SMG1: variants seen among roughly 807,000 people sequenced by gnomAD.
SMG1 encodes serine/threonine-protein kinase SMG1.
SMG1 carries 22 observed loss-of-function variants against 419.9 expected under a neutral mutation model. The observed-to-expected ratio is 0.05, with a 90% CI of 0.04 to 0.07. The LOEUF is 0.07. SMG1 is among the 10% of genes least tolerant of loss of function. SMG1 has a pLI of 1.00. For synonymous variants in SMG1, 1,538 were observed against 1,553.5 expected, an observed-to-expected ratio of 0.99 and a Z score of 0.23; for missense variants, 3,185 against 4,342.0, an observed-to-expected ratio of 0.73 and a Z score of 7.49.
At chr16:18,814,536 A>T (rs2031804701) in intron 60 of SMG1, among the ~76,000 whole-genome samples, 2 of 152,048 alleles carry the variant, frequency 1.3e-5, no homozygotes, top group Admixed American at 6.6e-5. Flanking sequence ...TTTTTTAAAG[A>T]AAACTATTCA....
chr16:18,912,127 G>C (rs1253978381), intron 1 of SMG1, among the ~76,000 whole-genome samples: 1 of 147,040 alleles, frequency 6.8e-6, no homozygotes, highest in Non-Finnish European at 1.5e-5. Flanking sequence ...GACACTTAGA[G>C]AGGAATCTAA....
chr16:18,899,519 C>G (rs953865003), intron 1 of SMG1, among the ~76,000 whole-genome samples: 1 of 152,162 alleles, frequency 6.6e-6, no homozygotes, highest in African/African-American at 2.4e-5. Context: ...GCACAAAATG[C>G]TTTAGCATTT....
chr16:18,863,923 CT>C (rs1364141187), intron 24 of SMG1, 72 bp from the exon 25 acceptor site: 1 of 1,575,018 alleles, frequency 6.3e-7, no homozygotes, highest in Non-Finnish European at 8.6e-7. Context: ...GCACAGAAAC[CT>C]AAAAACATAA....
intron 57 of SMG1, among the ~76,000 whole-genome samples, chr16:18,816,895 C>T (rs961778057): frequency 3.3e-5 from 5 of 152,086 alleles, no homozygotes; most frequent in East Asian, 1.9e-4. Context: ...AAAATATAAA[C>T]GTCAAACTTA....
intron 1 of SMG1, among the ~76,000 whole-genome samples, chr16:18,900,942 C>A (rs1237145635): frequency 1.3e-5 from 2 of 152,146 alleles, no homozygotes; most frequent in Admixed American, 6.6e-5. Flanking sequence ...CTATGAATAA[C>A]CCTGGGCCTT....
rs749957363 is a variant in SMG1 at position 18,854,695 on chromosome 16, C to T, written c.4444G>A (p.Glu1482Lys). The part of the protein sequence containing the change: ...QGQVDEKWGP[E>K]LDIEKTKLLY... Reference sequence around the variant, plus strand: ...AATTTGGTTTTTTCAATATCAAGTTCGGGCCCCCATTTTTCATCCACTTGA... The same window carrying T: ...AATTTGGTTTTTTCAATATCAAGTTTGGGCCCCCATTTTTCATCCACTTGA... Residue 1482 changes from glutamate (E) to lysine (K), a missense_variant, in exon 30 of 63, where the codon GAA becomes AAA. Glu to Lys is a moderately conservative substitution (Grantham distance 56, BLOSUM62 1). Coordinates refer to ENST00000446231, the MANE Select transcript of SMG1 (RefSeq NM_015092.5). The T allele has an allele frequency of 8.7e-6, 14 of 1,613,796 alleles. No homozygotes were observed. In the East Asian group the frequency reaches 8.9e-5, roughly 10 times the overall value.
rs754839688 is a variant in SMG1, at chr16:18,836,511, T to C, written c.7626A>G (p.Leu2542=). The C allele has an allele frequency of 1.7e-5, 27 of 1,613,758 alleles. No individual in the cohort carries two copies. Among genetic ancestry groups the C allele is most frequent in the Non-Finnish European group, 2.3e-5 (27 of 1,179,876 alleles). The change falls in exon 47 of 63, where the codon CTA becomes CTG. Residue 2542 remains leucine, a synonymous_variant. Coordinates refer to ENST00000446231, the MANE Select transcript of SMG1 (RefSeq NM_015092.5). The part of the protein sequence containing the change: ...LQHRYSEHTQ[L]QTQQRAVQEA... The stretch of plus-strand genomic sequence containing the variant: ...CCTGAACAGCTCTTTGCTGAGTCTG[T>C]AGTTGGGTGTGCTCAGAATACCTAA...
chr16:18,850,611 T>C (rs908299282), intron 33 of SMG1, 144 bp from the exon 34 acceptor site: 6 of 611,190 alleles, frequency 9.8e-6, no homozygotes, highest in Admixed American at 3.0e-5. Flanking sequence ...AGTAAGTCAA[T>C]GTCAGTATGC....
intron 1 of SMG1, among the ~76,000 whole-genome samples, chr16:18,905,130 G>T (rs2037509130): frequency 2.6e-5 from 4 of 151,614 alleles, no homozygotes. Context: ...GTATGGTGGT[G>T]GGCGCCTGTA....
chr16:18,860,022 G>A (rs1160873115), intron 26 of SMG1, among the ~76,000 whole-genome samples: 1 of 152,146 alleles, frequency 6.6e-6, no homozygotes, highest in Non-Finnish European at 1.5e-5. Flanking sequence ...TTCAAGACCA[G>A]CCTGGCCAAG....
chr16:18,904,818 C>G (rs993842504), intron 1 of SMG1, among the ~76,000 whole-genome samples: 3 of 151,750 alleles, frequency 2.0e-5, no homozygotes, highest in African/African-American at 4.8e-5. Flanking sequence ...GCCTGCAATC[C>G]CAGCTACTCA....
chr16:18,853,450 C>A (rs578053181), intron 31 of SMG1, 133 bp downstream of exon 31: 1 of 837,116 alleles, frequency 1.2e-6, no homozygotes, highest in Non-Finnish European at 1.7e-6. Context: ...TATTTCCCAA[C>A]AATAAAATAA....
At chr16:18,819,683 G>C in intron 55 of SMG1, 29 bp from the exon 56 acceptor site, 1 of 1,498,088 alleles carries the variant, frequency 6.7e-7, no homozygotes, top group Non-Finnish European at 8.9e-7. Flanking sequence ...TCTTGGTGAA[G>C]GTATATGACA....
At chr16:18,842,070 A>G (rs2033958351) in intron 40 of SMG1, 138 bp downstream of exon 40, 2 of 974,204 alleles carry the variant, frequency 2.1e-6, no homozygotes, top group East Asian at 2.6e-5. Context: ...AAAGCACATA[A>G]GATATAGGGC....
In SMG1 at chr16:18,925,994, G is replaced by A; in HGVS notation, c.48C>T (p.Gly16=). Residue 16 remains glycine, a synonymous_variant, in exon 1 of 63, where the codon GGC becomes GGT. Coordinates refer to ENST00000446231, the MANE Select transcript of SMG1 (RefSeq NM_015092.5). ...AGCTCCGCGGATACTTGGTGCCGCC[G>A]CCGCCGCCGCCGCTGCTCAGCCGAG... is the stretch of plus-strand genomic sequence containing the variant. ...PGSRLSSGGG[G]GGTKYPRSWN... is the part of the protein sequence containing the mutation. 1 of 1,576,816 alleles carries A rather than the reference G, an allele frequency of 6.3e-7. No homozygotes were observed.
In SMG1 at chr16:18,852,170, T is replaced by C. The variant is rs1567369011; in HGVS notation, c.4949A>G (p.Lys1650Arg). 3.1e-6 allele frequency: 5 copies of C among 1,613,726 alleles called. No homozygotes were observed. In the East Asian group the frequency reaches 1.1e-4, roughly 36 times the overall value. Residue 1650 changes from lysine (K) to arginine (R), a missense_variant, in exon 33 of 63, where the codon AAA (lysine) becomes AGA (arginine). Lys to Arg is a conservative substitution (Grantham distance 26, BLOSUM62 2). Around this residue, in one of 27 missense-constraint regions of SMG1, gnomAD observed 493 missense variants for 552.9 expected, o/e 0.89. Coordinates refer to ENST00000446231, the MANE Select transcript of SMG1 (RefSeq NM_015092.5). The part of the protein sequence containing the change: ...GEGVRLLPRE[K>R]SEVQNLLPDT... ...TGGAAGTAGATTCTGAACTTCAGAT[T>C]TTTCTCTAGGCAGCAGACGAACACC...
At chr16:18,839,660 ATAC>A in intron 42 of SMG1, 35 bp downstream of exon 42, 1 of 1,604,686 alleles carries the variant, frequency 6.2e-7, no homozygotes, top group Non-Finnish European at 8.5e-7. Flanking sequence ...GGCAAAAGAA[ATAC>A]TACTACTGAG....
At chr16:18,863,536 G>A in intron 25 of SMG1, 114 bp downstream of exon 25, 9 of 934,334 alleles carry the variant, frequency 9.6e-6, no homozygotes, top group Non-Finnish European at 1.2e-5. Context: ...CAGTAAGTTA[G>A]ATATATAACC....
rs762928481 is a variant in SMG1, at chr16:18,896,817, C to A, written c.232G>T (p.Ala78Ser). Residue 78 changes from alanine to serine, a missense_variant, in exon 2 of 63, where the codon GCT becomes TCT. Transcript: ENST00000446231. ...CCCTTTTCGTCATTCTGTATGTCAG[C>A]GTGGACTCTGGTATCATCGTGCCTT... ...RQRHDDTRVH[A>S]DIQNDEKGGY... 6.2e-7 allele frequency: 1 copy of A among 1,608,098 alleles called. No individual in the cohort carries two copies. Among genetic ancestry groups the A allele is most frequent in the African/African-American group, 1.3e-5 (1 of 74,746 alleles).
Sources: gnomAD v4.1 joint callset for allele counts (sites outside exome capture counted in the v4.1 genomes callset) on GRCh38, gnomAD v4.1.1 for gene constraint, gnomAD v4.1.1 regional missense constraint, MANE v1.5 for transcripts, NCBI Gene and HGNC (gene_info 2026-07-23, HGNC 2026-07-21) for gene names.